Variants in GALNT13 observed in about 807,000 individuals in gnomAD.
The protein encoded by GALNT13 is UDP-GalNAc:polypeptide N-acetylgalactosaminyltransferase 13.
GALNT13 carries 28 observed loss-of-function variants against 64.2 expected under a neutral mutation model. The ratio of observed to expected loss-of-function variants is 0.44; its 90% CI spans 0.32 to 0.60. The LOEUF (loss-of-function observed/expected upper bound fraction) is 0.60, where lower values mean the gene tolerates loss of function less well. GALNT13 is among the 20% of genes least tolerant of loss of function. GALNT13 has a pLI of 0.05. For synonymous variants in GALNT13, 214 were observed against 224.6 expected (o/e 0.95, Z 0.42); for missense variants, 577 against 669.8 (o/e 0.86, Z 1.53).
chr2:154,253,599 A>G lies in GALNT13; in HGVS notation c.858-5422A>G, dbSNP rs138657179. Among the ~76,000 whole-genome samples, 43 of 152,332 alleles carry G rather than the reference A, an allele frequency of 2.8e-4. 1 individual carries two copies. The highest frequency in any genetic ancestry group is 2.8e-3 in the Admixed American group (43 of 15,308). On this transcript the variant is annotated intron_variant, in intron 7 of 12. Transcript: ENST00000392825. ...AGTTCGAGATTATCCTGGGCAGTAT[A>G]GTGAGACCCAGTCTCAAAGTATAAC...
the GALNT13 span, among the ~76,000 whole-genome samples, chr2:153,217,320 G>A: frequency 6.6e-6 from 1 of 151,968 alleles, no homozygotes; most frequent in African/African-American, 2.4e-5. Context: ...AACTTGCCAT[G>A]ACTCTTTTTG....
chr2:153,531,914 AG>A, the GALNT13 span, among the ~76,000 whole-genome samples: 8 of 152,208 alleles, frequency 5.3e-5, no homozygotes, highest in Admixed American at 3.9e-4. Context: ...ACTGATAAAA[AG>A]GGTGGGCTCA....
the GALNT13 span, among the ~76,000 whole-genome samples, chr2:153,150,480 A>C: frequency 6.6e-6 from 1 of 152,086 alleles, no homozygotes. Context: ...TAGTTTAATT[A>C]GATCCCATTT....
chr2:154,326,390 GTATA>G (rs1052472358), intron 9 of GALNT13, among the ~76,000 whole-genome samples: 6 of 150,602 alleles, frequency 4.0e-5, no homozygotes, highest in African/African-American at 1.5e-4. Context: ...ATATTTTAAT[GTATA>G]TATGTTTCAT....
chr2:153,095,704 G>A, the GALNT13 span, among the ~76,000 whole-genome samples: 1 of 152,248 alleles, frequency 6.6e-6, no homozygotes, highest in East Asian at 1.9e-4. Flanking sequence ...ATACTATGCA[G>A]CCATTAAAAA....
At chr2:153,550,074 G>T in the GALNT13 span, among the ~76,000 whole-genome samples, 1 of 152,150 alleles carries the variant, frequency 6.6e-6, no homozygotes, top group African/African-American at 2.4e-5. Context: ...AGACATGGAG[G>T]TCATTCCTTT....
the GALNT13 span, among the ~76,000 whole-genome samples, chr2:153,406,075 C>A: frequency 2.0e-5 from 3 of 152,142 alleles, no homozygotes; most frequent in Non-Finnish European, 4.4e-5. Context: ...AGCATATGAA[C>A]CAGGCGTCCT....
chr2:153,098,008 G>A, the GALNT13 span, among the ~76,000 whole-genome samples: 1 of 152,198 alleles, frequency 6.6e-6, no homozygotes, highest in Non-Finnish European at 1.5e-5. Flanking sequence ...GGAGATTGCA[G>A]TGAGCCAAGA....
At chr2:153,578,106 T>C in the GALNT13 span, among the ~76,000 whole-genome samples, 7 of 152,118 alleles carry the variant, frequency 4.6e-5, no homozygotes, top group African/African-American at 1.7e-4. Flanking sequence ...AAACCTGTCT[T>C]TAAAATAGTT....
At chr2:153,157,447 GATT>G in the GALNT13 span, among the ~76,000 whole-genome samples, 1 of 152,136 alleles carries the variant, frequency 6.6e-6, no homozygotes, top group African/African-American at 2.4e-5. Context: ...AGTTATCTCA[GATT>G]ATTCTCGTTT....
chr2:154,224,352 C>T (rs1171355103), intron 4 of GALNT13, among the ~76,000 whole-genome samples: 1 of 151,932 alleles, frequency 6.6e-6, no homozygotes, highest in African/African-American at 2.4e-5. Flanking sequence ...AGAAATCAAA[C>T]TCTAGTTAAT....
the GALNT13 span, among the ~76,000 whole-genome samples, chr2:153,351,301 A>G: frequency 2.0e-5 from 3 of 152,304 alleles, no homozygotes; most frequent in East Asian, 1.9e-4. Flanking sequence ...TGAATTTTCT[A>G]TTAGGCTATT....
the GALNT13 span, among the ~76,000 whole-genome samples, chr2:153,484,897 T>C: frequency 6.6e-6 from 1 of 152,206 alleles, no homozygotes; most frequent in Non-Finnish European, 1.5e-5. Context: ...TCCCCAAACT[T>C]GCTTCCTGGG....
At chr2:153,292,727 G>A in the GALNT13 span, among the ~76,000 whole-genome samples, 1 of 152,152 alleles carries the variant, frequency 6.6e-6, no homozygotes, top group South Asian at 2.1e-4. Flanking sequence ...ACCAGGGCTT[G>A]GGCAGTTCAT....
chr2:153,402,120 G>C, the GALNT13 span, among the ~76,000 whole-genome samples: 62,571 of 125,734 alleles, frequency 0.5, 17,789 homozygotes, highest in African/African-American at 0.79. Context: ...TAGGGCAGGC[G>C]TGGTGGTGAC....
At chr2:153,326,024 G>A in the GALNT13 span, among the ~76,000 whole-genome samples, 40 of 152,174 alleles carry the variant, frequency 2.6e-4, 1 homozygote, top group East Asian at 2.9e-3. Context: ...GGGTTGGTGC[G>A]GAGCTGAGTT....
At chr2:153,468,043 C>G in the GALNT13 span, among the ~76,000 whole-genome samples, 2 of 151,850 alleles carry the variant, frequency 1.3e-5, no homozygotes, top group East Asian at 3.9e-4. Flanking sequence ...TGTAACTTCA[C>G]TCAATCTTTA....
At chr2:154,005,948 G>A (rs1456146458) in intron 3 of GALNT13, among the ~76,000 whole-genome samples, 12 of 152,142 alleles carry the variant, frequency 7.9e-5, no homozygotes, top group Admixed American at 7.9e-4. Context: ...CATATAATGA[G>A]TAGCCCTGTG....
At chr2:153,397,373 C>G in the GALNT13 span, among the ~76,000 whole-genome samples, 25 of 152,128 alleles carry the variant, frequency 1.6e-4, no homozygotes, top group South Asian at 4.1e-3. Context: ...TGCCTTAATG[C>G]AGACCATGGG....
Sources: allele counts gnomAD v4.1 joint callset (sites outside exome capture counted in the v4.1 genomes callset), GRCh38; gene constraint gnomAD v4.1.1; transcripts MANE v1.5; gene names NCBI Gene and HGNC (gene_info 2026-07-23, HGNC 2026-07-21).